The following LINGO1 variants were observed in gnomAD, a reference collection of about 807,000 sequenced individuals.
LINGO1 encodes leucine rich repeat and Ig domain containing 1, also known as leucine-rich repeat and immunoglobulin-like domain-containing nogo receptor-interacting protein 1.
LINGO1 carries 11 observed loss-of-function variants against 37.3 expected under a neutral mutation model. That is an observed-to-expected ratio of 0.29 (90% confidence interval 0.19 to 0.49). LINGO1 has a LOEUF of 0.49. Ranked by LOEUF, LINGO1 falls within the 20% of genes least tolerant of loss-of-function variation. The pLI, the probability that LINGO1 is intolerant of heterozygous loss-of-function variation, is 0.99. For synonymous variants in LINGO1, 387 were observed against 403.0 expected, an observed-to-expected ratio of 0.96 and a Z score of 0.48; for missense variants, 585 against 878.2, an observed-to-expected ratio of 0.67 and a Z score of 4.22.
chr15:77,775,301 C>G (rs1399364601), intron 1 of LINGO1, among the ~76,000 whole-genome samples: 1 of 152,186 alleles, frequency 6.6e-6, no homozygotes, highest in African/African-American at 2.4e-5. Context: ...CTCTGCCCTA[C>G]AGCAGTGGGT....
chr15:77,676,752 A>C (rs1206703576), intron 3 of LINGO1, among the ~76,000 whole-genome samples: 2 of 152,218 alleles, frequency 1.3e-5, no homozygotes, highest in African/African-American at 4.8e-5. Context: ...GTGGCGCAAA[A>C]CAAAGCCTGA....
In LINGO1 at chr15:77,614,279, C is replaced by T. The variant is rs997238034; in HGVS notation, c.1628G>A (p.Ser543Asn). 2 of 1,614,024 alleles carry T rather than the reference C, an allele frequency of 1.2e-6. No homozygotes were observed. The highest frequency in any genetic ancestry group is 4.5e-5 in the East Asian group (2 of 44,876). Residue 543 changes from serine to asparagine, a missense_variant, in exon 2 of 2, where the codon AGC (serine) becomes AAC (asparagine). Coordinates refer to ENST00000355300, the MANE Select transcript of LINGO1 (RefSeq NM_032808.7). ...GGGGAAAGGCACAGTGGCGCGGGTGCTGTTGGCCTCTCCCTCGCCCGGCTG... is the reference window on the plus strand; with the variant it reads ...GGGGAAAGGCACAGTGGCGCGGGTGTTGTTGGCCTCTCCCTCGCCCGGCTG... ...SNQPGEGEAN[S>N]TRATVPFPFD...
At chr15:77,731,122 C>A (rs1332100709) in intron 2 of LINGO1, among the ~76,000 whole-genome samples, 1 of 152,208 alleles carries the variant, frequency 6.6e-6, no homozygotes, top group African/African-American at 2.4e-5. Flanking sequence ...CTTCCAGCCC[C>A]CCAGACACCC....
At chr15:77,698,545 G>A (rs959574793), upstream of LINGO1, among the ~76,000 whole-genome samples, 34 of 152,166 alleles carry the variant, frequency 2.2e-4, 2 homozygotes, top group Non-Finnish European at 2.9e-5. Context: ...GCTGTGGAAA[G>A]GGAATGCCTG....
chr15:77,694,536 G>A (rs2075657653), intron 1 of LINGO1, among the ~76,000 whole-genome samples: 1 of 152,030 alleles, frequency 6.6e-6, no homozygotes. Flanking sequence ...CCATCCAGCT[G>A]CCAAGACTCC....
intron 1 of LINGO1, among the ~76,000 whole-genome samples, chr15:77,804,529 G>A (rs1267074678): frequency 1.3e-5 from 2 of 152,190 alleles, no homozygotes; most frequent in African/African-American, 4.8e-5. Context: ...GTGAGTGAGC[G>A]ACAACCCTGA....
chr15:77,682,156 T>C (rs536725287), intron 2 of LINGO1, among the ~76,000 whole-genome samples: 1 of 142,918 alleles, frequency 7.0e-6, no homozygotes, highest in South Asian at 2.2e-4. Context: ...GGTGGTCAGA[T>C]CTAAGATGGA....
chr15:77,757,588 G>C (rs560312514), intron 1 of LINGO1, among the ~76,000 whole-genome samples: 1 of 152,328 alleles, frequency 6.6e-6, no homozygotes, highest in South Asian at 2.1e-4. Flanking sequence ...TGGTCTCATG[G>C]TATTTTCCTT....
intron 1 of LINGO1, among the ~76,000 whole-genome samples, chr15:77,751,532 G>T (rs1002691783): frequency 6.6e-6 from 1 of 152,100 alleles, no homozygotes; most frequent in Non-Finnish European, 1.5e-5. Context: ...GGGGTAGGGG[G>T]GACACAGAGA....
chr15:77,781,979 G>A (rs2076722497), intron 1 of LINGO1, among the ~76,000 whole-genome samples: 1 of 152,200 alleles, frequency 6.6e-6, no homozygotes, highest in African/African-American at 2.4e-5. Context: ...TGGGGGTTGG[G>A]GACAGGAGCC....
intron 2 of LINGO1, among the ~76,000 whole-genome samples, chr15:77,709,617 G>T (rs1332474556): frequency 6.6e-6 from 1 of 152,222 alleles, no homozygotes; most frequent in East Asian, 1.9e-4. Context: ...CAGCCTTCCT[G>T]CACCCGGCTG....
intron 1 of LINGO1, among the ~76,000 whole-genome samples, chr15:77,762,947 G>C (rs1433836846): frequency 2.6e-5 from 4 of 152,206 alleles, no homozygotes; most frequent in African/African-American, 9.6e-5. Flanking sequence ...CCAGCTCCAG[G>C]ACTGTGCCTG....
chr15:77,817,220 A>T (rs1950426137), intron 1 of LINGO1, among the ~76,000 whole-genome samples: 1 of 152,146 alleles, frequency 6.6e-6, no homozygotes, highest in Non-Finnish European at 1.5e-5. Context: ...GAGGGAAGTC[A>T]CAGAAGCCTG....
chr15:77,704,188 C>T (rs933356368), intron 2 of LINGO1, among the ~76,000 whole-genome samples: 1 of 152,160 alleles, frequency 6.6e-6, no homozygotes, highest in African/African-American at 2.4e-5. Context: ...CAAGCTTCTG[C>T]TCATCAGGGC....
chr15:77,622,959 T>C (rs28661259), intron 1 of LINGO1, among the ~76,000 whole-genome samples: 36,773 of 152,218 alleles, frequency 0.24, 6,986 homozygotes, highest in African/African-American at 0.53. Flanking sequence ...CTCCCAGCTC[T>C]GCTGGCACTT....
intron 1 of LINGO1, among the ~76,000 whole-genome samples, chr15:77,619,311 A>G (rs922667702): frequency 2.0e-5 from 3 of 152,170 alleles, no homozygotes; most frequent in African/African-American, 7.2e-5. Context: ...CAGGGGTGGA[A>G]GCCCTGCAGA....
intron 3 of LINGO1, among the ~76,000 whole-genome samples, chr15:77,655,247 G>A (rs1001646799): frequency 6.6e-6 from 1 of 152,230 alleles, no homozygotes; most frequent in African/African-American, 2.4e-5. Flanking sequence ...CCAGGAAGAG[G>A]AGCTGGAGAA....
At chr15:77,740,161 T>C (rs979862974) in intron 1 of LINGO1, among the ~76,000 whole-genome samples, 1 of 152,018 alleles carries the variant, frequency 6.6e-6, no homozygotes, top group African/African-American at 2.4e-5. Flanking sequence ...GCATGGACAG[T>C]GTGGTCAGGG....
chr15:77,768,184 C>T (rs1179526903), intron 1 of LINGO1, among the ~76,000 whole-genome samples: 3 of 152,150 alleles, frequency 2.0e-5, no homozygotes, highest in Admixed American at 2.0e-4. Context: ...ACCCCAGCCT[C>T]CCAGCAACCC....
Sources: allele counts gnomAD v4.1 joint callset (sites outside exome capture counted in the v4.1 genomes callset), GRCh38; gene constraint gnomAD v4.1.1; transcripts MANE v1.5; gene names NCBI Gene and HGNC (gene_info 2026-07-23, HGNC 2026-07-21).